MGST2: variants seen among roughly 807,000 people sequenced by gnomAD.
MGST2 encodes the protein microsomal glutathione S-transferase 2, also known as glutathione peroxidase MGST2.
A neutral mutation model predicts 16.6 loss-of-function variants in MGST2; 9 were observed. That is an observed-to-expected ratio of 0.54 (90% confidence interval 0.33 to 0.95). The LOEUF is 0.95. Ranked by LOEUF, MGST2 falls within the 40% of genes least tolerant of loss-of-function variation. The pLI is 0.03. For synonymous variants in MGST2, 79 were observed against 68.0 expected, an observed-to-expected ratio of 1.16 and a Z score of -0.79; for missense variants, 159 against 175.1, an observed-to-expected ratio of 0.91 and a Z score of 0.52.
chr4:139,727,211 G>A (rs1447801202), intron 5 of MGST2, among the ~76,000 whole-genome samples: 1 of 152,174 alleles, frequency 6.6e-6, no homozygotes, highest in African/African-American at 2.4e-5. Context: ...AACAGCCTCT[G>A]ACTCGTTGAC....
intron 1 of MGST2, among the ~76,000 whole-genome samples, chr4:139,669,231 T>C (rs1012074585): frequency 6.6e-6 from 1 of 152,130 alleles, no homozygotes; most frequent in Non-Finnish European, 1.5e-5. Context: ...CTTAGAATTT[T>C]ATTTTTGGTT....
At chr4:139,691,678 TGATGATGATGATGATG>T (rs1560747754) in intron 2 of MGST2, among the ~76,000 whole-genome samples, 2 of 142,690 alleles carry the variant, frequency 1.4e-5, no homozygotes, top group Non-Finnish European at 3.0e-5. Flanking sequence ...ATGATGATGA[TGATGATGATGATGATG>T]ATGATTATTA....
chr4:139,742,965 T>C (rs1174066439), downstream of MGST2, among the ~76,000 whole-genome samples: 1 of 152,198 alleles, frequency 6.6e-6, no homozygotes, highest in Non-Finnish European at 1.5e-5. Flanking sequence ...CCTAATTTCT[T>C]TCCACCAGAA....
At chr4:139,752,984 T>C in the MGST2 span, among the ~76,000 whole-genome samples, 2 of 152,118 alleles carry the variant, frequency 1.3e-5, no homozygotes, top group Admixed American at 6.5e-5. Flanking sequence ...GTCAAGATAA[T>C]AGGAGGATAC....
chr4:139,671,779 C>A (rs1324234416), intron 1 of MGST2, among the ~76,000 whole-genome samples: 1 of 152,062 alleles, frequency 6.6e-6, no homozygotes, highest in Non-Finnish European at 1.5e-5. Context: ...GTATCTGGGA[C>A]TACAGGCACA....
At chr4:139,669,395 A>C (rs2110785234) in intron 1 of MGST2, among the ~76,000 whole-genome samples, 1 of 152,306 alleles carries the variant, frequency 6.6e-6, no homozygotes, top group African/African-American at 2.4e-5. Context: ...TTAGGTTTTG[A>C]AGACAGACAG....
At position 139,677,324 on chromosome 4, in the gene MGST2, G is replaced by A. The variant is rs192798585; in HGVS notation, c.59-1219G>A. 1.1e-4 allele frequency among the ~76,000 whole-genome samples: 17 copies of A among 152,266 alleles called. No individual in the cohort carries two copies. In the South Asian group the frequency reaches 3.5e-3, roughly 32 times the overall value. Reference sequence around the variant, plus strand: ...ACAACTTGCTTTTATACATTTCAGAGGGACATGAGACATCAATCAGTATGT... The same window carrying A: ...ACAACTTGCTTTTATACATTTCAGAAGGACATGAGACATCAATCAGTATGT... On this transcript the variant is annotated intron_variant, in intron 1 of 4. Transcript: ENST00000265498.
the MGST2 span, among the ~76,000 whole-genome samples, chr4:139,753,687 T>C: frequency 6.6e-6 from 1 of 152,338 alleles, no homozygotes; most frequent in South Asian, 2.1e-4. Context: ...TTAATAAGTT[T>C]ACAAGGCTAC....
At chr4:139,750,382 G>A in the MGST2 span, among the ~76,000 whole-genome samples, 2 of 152,208 alleles carry the variant, frequency 1.3e-5, no homozygotes, top group South Asian at 2.1e-4. Flanking sequence ...TGGGTCGTGA[G>A]TCCTCCTTCT....
intron 5 of MGST2, chr4:139,730,150 AC>A (rs1728642751): frequency 3.7e-6 from 2 of 539,642 alleles, no homozygotes; most frequent in Admixed American, 3.1e-5. Context: ...AAGGAGTCAG[AC>A]TTGAATCAAA....
intron 5 of MGST2, among the ~76,000 whole-genome samples, chr4:139,726,003 T>C (rs1419682521): frequency 6.6e-6 from 1 of 152,102 alleles, no homozygotes; most frequent in Non-Finnish European, 1.5e-5. Context: ...TAGAGTCAGG[T>C]AGGTTTTCAC....
chr4:139,689,314 C>T (rs550053688), intron 2 of MGST2, among the ~76,000 whole-genome samples: 2 of 152,230 alleles, frequency 1.3e-5, no homozygotes, highest in South Asian at 2.1e-4. Flanking sequence ...GTGTTCCCTA[C>T]AAGCAGCACC....
chr4:139,695,694 G>A (rs1481828715), intron 3 of MGST2, among the ~76,000 whole-genome samples: 1 of 152,152 alleles, frequency 6.6e-6, no homozygotes, highest in Non-Finnish European at 1.5e-5. Flanking sequence ...AATAAACAGT[G>A]TGTGCATCAG....
chr4:139,737,326 T>C (rs1240901967), intron 5 of MGST2, among the ~76,000 whole-genome samples: 1 of 151,934 alleles, frequency 6.6e-6, no homozygotes, highest in East Asian at 1.9e-4. Flanking sequence ...TTTTTTTTTT[T>C]AAGCCCAAAT....
At position 139,723,196 on chromosome 4, in the gene MGST2, T is replaced by A. The variant is rs1371865036; in HGVS notation, c.*49-17016T>A. 2.0e-5 allele frequency among the ~76,000 whole-genome samples: 3 copies of A among 152,332 alleles called. No individual in the cohort carries two copies. In the East Asian group the frequency reaches 5.8e-4, roughly 29 times the overall value. On this transcript the variant is annotated intron_variant, in intron 5 of 5. Transcript: ENST00000616265. The stretch of plus-strand genomic sequence containing the variant: ...TGGAAAAGTCAGCTTCAAAAACCCA[T>A]GTACAGTACAATCCCAATTTTTGTG...
At chr4:139,698,491 C>T (rs1727057582) in intron 3 of MGST2, 7 of 1,179,950 alleles carry the variant, frequency 5.9e-6, no homozygotes, top group Non-Finnish European at 6.3e-6. Context: ...GCTTTTGTAG[C>T]CAGTTGCTTC....
intron 5 of MGST2, chr4:139,730,595 T>C (rs1201772748): frequency 1.2e-6 from 2 of 1,610,814 alleles, no homozygotes; most frequent in South Asian, 1.1e-5. Context: ...CCTGAGACCA[T>C]GCCACCTGAG....
intron 2 of MGST2, among the ~76,000 whole-genome samples, chr4:139,680,218 A>G (rs561815792): frequency 4.8e-5 from 7 of 144,694 alleles, no homozygotes; most frequent in African/African-American, 1.9e-4. Context: ...GGTTAAATCA[A>G]TAGCCAATGT....
chr4:139,666,052 C>T lies in MGST2; in HGVS notation c.33C>T (p.Val11=). 1 of 1,614,040 alleles carries T rather than the reference C, an allele frequency of 6.2e-7. No individual in the cohort carries two copies. The highest frequency in any genetic ancestry group is 1.1e-5 in the South Asian group (1 of 91,088). MAGNSILLAA[V]SILSACQQSY... is the part of the protein sequence containing the mutation. ...GGAACTCGATCCTGCTGGCTGCTGT[C>T]TCTATTCTCTCGGCCTGTCAGCAAA... The change falls in exon 1 of 5, where the codon GTC becomes GTT. Residue 11 remains valine, a synonymous_variant. Transcript: ENST00000265498.
Sources: allele counts gnomAD v4.1 joint callset (sites outside exome capture counted in the v4.1 genomes callset), GRCh38; gene constraint gnomAD v4.1.1; transcripts MANE v1.5; gene names NCBI Gene and HGNC (gene_info 2026-07-23, HGNC 2026-07-21).